Variants in SAXO1 observed in about 807,000 individuals in gnomAD.
The protein encoded by SAXO1 is stabilizer of axonemal microtubules 1, also known as 4930500O09Rik.
Under a neutral mutation model 17.5 loss-of-function variants are expected in SAXO1, and 21 were observed. The observed-to-expected ratio is 1.20, with a 90% CI of 0.85 to 1.72. The LOEUF is 1.72. Ranked by LOEUF, SAXO1 falls within the 40% of genes most tolerant of loss-of-function variation. The probability of loss-of-function intolerance (pLI) is 0.00; values close to 1 mark genes in which losing one functional copy is unlikely to be tolerated. For synonymous variants in SAXO1, 274 were observed against 216.5 expected (o/e 1.27, Z -2.33); for missense variants, 843 against 596.0 (o/e 1.41, Z -4.32).
At chr9:18,958,692 G>A (rs756828822) in intron 1 of SAXO1, among the ~76,000 whole-genome samples, 20 of 152,166 alleles carry the variant, frequency 1.3e-4, no homozygotes, top group African/African-American at 3.1e-4. Context: ...CAGCCAAAAC[G>A]CTGGGTTAGG....
At chr9:18,934,268 T>C (rs1831191354) in intron 3 of SAXO1, among the ~76,000 whole-genome samples, 1 of 151,764 alleles carries the variant, frequency 6.6e-6, no homozygotes, top group Non-Finnish European at 1.5e-5. Context: ...AATCTATCAT[T>C]TTTCTGCCCC....
intron 1 of SAXO1, among the ~76,000 whole-genome samples, chr9:18,990,031 T>A (rs1833754218): frequency 6.6e-6 from 1 of 152,146 alleles, no homozygotes; most frequent in South Asian, 2.1e-4. Context: ...CACCTTTATT[T>A]TGCAAAGGAG....
chr9:19,036,209 C>G (rs142204298), upstream of SAXO1, among the ~76,000 whole-genome samples: 13,562 of 141,520 alleles, frequency 0.096, 817 homozygotes, highest in Non-Finnish European at 0.13. Flanking sequence ...ACCCATGTAA[C>G]AAACCTGCAC....
At chr9:19,002,116 A>G (rs2130961045) in intron 1 of SAXO1, among the ~76,000 whole-genome samples, 1 of 152,268 alleles carries the variant, frequency 6.6e-6, no homozygotes, top group African/African-American at 2.4e-5. Context: ...TACTATAAAC[A>G]CCTCTAAACA....
intron 1 of SAXO1, among the ~76,000 whole-genome samples, chr9:19,004,127 G>GA (rs1834397002): frequency 6.6e-6 from 1 of 152,110 alleles, no homozygotes; most frequent in Admixed American, 6.5e-5. Flanking sequence ...ACAGACATAT[G>GA]AAAAAATGCT....
intron 1 of SAXO1, among the ~76,000 whole-genome samples, chr9:19,038,814 G>A (rs969902508): frequency 1.3e-5 from 2 of 151,930 alleles, no homozygotes; most frequent in African/African-American, 4.8e-5. Flanking sequence ...TGAGGGAGCA[G>A]GGTGAGGCAA....
intron 1 of SAXO1, among the ~76,000 whole-genome samples, chr9:19,046,125 CA>C (rs1836210084): frequency 7.6e-6 from 1 of 131,496 alleles, no homozygotes. Context: ...GGAGAACATA[CA>C]AACAAAAGAA....
At chr9:18,999,898 A>ACCCTG (rs1834182071) in intron 1 of SAXO1, among the ~76,000 whole-genome samples, 1 of 92,330 alleles carries the variant, frequency 1.1e-5, no homozygotes, top group Admixed American at 1.1e-4. Flanking sequence ...CCGCCCCACC[A>ACCCTG]TCTGGGAAGT....
chr9:19,006,839 C>A (rs541963418), intron 1 of SAXO1, among the ~76,000 whole-genome samples: 1 of 151,646 alleles, frequency 6.6e-6, no homozygotes, highest in South Asian at 2.1e-4. Context: ...TGAGGTCAAG[C>A]GTTCAAGACC....
intron 1 of SAXO1, among the ~76,000 whole-genome samples, chr9:18,984,066 G>A (rs1010506977): frequency 3.9e-5 from 6 of 152,170 alleles, no homozygotes; most frequent in African/African-American, 1.4e-4. Flanking sequence ...CAGAGCTCTT[G>A]GGTGACTAAG....
chr9:19,020,527 T>G (rs1453770016), intron 1 of SAXO1, among the ~76,000 whole-genome samples: 1 of 152,008 alleles, frequency 6.6e-6, no homozygotes, highest in Admixed American at 6.6e-5. Flanking sequence ...AATTTTTTGT[T>G]GTTGTATTTT....
chr9:18,988,533 G>T (rs1298600558), intron 1 of SAXO1, among the ~76,000 whole-genome samples: 1 of 152,210 alleles, frequency 6.6e-6, no homozygotes, highest in Non-Finnish European at 1.5e-5. Flanking sequence ...CATCTGTATG[G>T]CATTCTACAG....
chr9:18,964,520 A>G (rs1832636057), intron 1 of SAXO1, among the ~76,000 whole-genome samples: 1 of 152,170 alleles, frequency 6.6e-6, no homozygotes, highest in Admixed American at 6.5e-5. Flanking sequence ...TGTTTCCAGG[A>G]ATTTATCCAT....
chr9:19,020,574 G>T (rs138602051), intron 1 of SAXO1, among the ~76,000 whole-genome samples: 2 of 152,220 alleles, frequency 1.3e-5, no homozygotes, highest in African/African-American at 4.8e-5. Flanking sequence ...GCCCAGGCTG[G>T]TCTTGAACTC....
At chr9:19,008,387 C>A (rs527345432) in intron 1 of SAXO1, among the ~76,000 whole-genome samples, 1 of 152,222 alleles carries the variant, frequency 6.6e-6, no homozygotes, top group South Asian at 2.1e-4. Context: ...GAGCTAACCA[C>A]TCAGTTGTTA....
chr9:18,956,072 C>T (rs1472859310), intron 1 of SAXO1, among the ~76,000 whole-genome samples: 2 of 151,190 alleles, frequency 1.3e-5, no homozygotes, highest in African/African-American at 2.4e-5. Context: ...TCCTAAGTAG[C>T]TGGGACTACA....
At chr9:18,996,266 AT>A (rs1332006326) in intron 1 of SAXO1, among the ~76,000 whole-genome samples, 1 of 152,180 alleles carries the variant, frequency 6.6e-6, no homozygotes, top group East Asian at 1.9e-4. Context: ...CCCAGAAATC[AT>A]CCTTATATAC....
chr9:18,956,955 C>A (rs531597761), intron 1 of SAXO1, among the ~76,000 whole-genome samples: 4 of 152,352 alleles, frequency 2.6e-5, no homozygotes, highest in African/African-American at 9.6e-5. Flanking sequence ...GACAAAGGCA[C>A]AACTGGACGC....
intron 1 of SAXO1, among the ~76,000 whole-genome samples, chr9:19,014,496 A>G (rs1454313989): frequency 1.3e-5 from 2 of 149,988 alleles, no homozygotes; most frequent in Non-Finnish European, 3.0e-5. Flanking sequence ...ATTAAATTTT[A>G]AAAATTTAAA....
Sources: allele counts gnomAD v4.1 joint callset (sites outside exome capture counted in the v4.1 genomes callset), GRCh38; gene constraint gnomAD v4.1.1; transcripts MANE v1.5; gene names NCBI Gene and HGNC (gene_info 2026-07-23, HGNC 2026-07-21).